NAALADL2: variants seen among roughly 807,000 people sequenced by gnomAD.
The protein encoded by NAALADL2 is inactive N-acetylated-alpha-linked acidic dipeptidase-like protein 2.
Under a neutral mutation model 87.2 loss-of-function variants are expected in NAALADL2, and 76 were observed. That is an observed-to-expected ratio of 0.87 (90% CI 0.72 to 1.05). The LOEUF (loss-of-function observed/expected upper bound fraction) is 1.05. Ranked by LOEUF, NAALADL2 falls within the 50% of genes least tolerant of loss-of-function variation. NAALADL2 has a pLI of 0.00. For missense variants in NAALADL2, 1,089 were observed against 945.8 expected (o/e 1.15, Z -1.99); for synonymous variants, 354 against 331.0 (o/e 1.07, Z -0.75).
intron 2 of NAALADL2, among the ~76,000 whole-genome samples, chr3:174,585,832 A>G (rs904199665): frequency 2.0e-5 from 3 of 152,300 alleles, no homozygotes; most frequent in South Asian, 2.1e-4. Context: ...GGTTAAGAGC[A>G]CAGACTCTGG....
At chr3:174,561,098 C>G (rs955348060) in intron 2 of NAALADL2, among the ~76,000 whole-genome samples, 12 of 151,498 alleles carry the variant, frequency 7.9e-5, no homozygotes, top group Admixed American at 6.6e-5. Flanking sequence ...AATGGGTAAG[C>G]GGTAAATTTA....
At chr3:175,366,883 T>G (rs1765664052) in intron 5 of NAALADL2, among the ~76,000 whole-genome samples, 2 of 151,868 alleles carry the variant, frequency 1.3e-5, no homozygotes, top group African/African-American at 4.9e-5. Flanking sequence ...ATTTGTCAAT[T>G]TTGTCTTTTG....
intron 3 of NAALADL2, among the ~76,000 whole-genome samples, chr3:174,774,131 T>C (rs796766165): frequency 7.0e-4 from 106 of 152,280 alleles, no homozygotes; most frequent in African/African-American, 2.5e-3. Context: ...CCACAGCTCC[T>C]AGTTGTTGGA....
intron 2 of NAALADL2, among the ~76,000 whole-genome samples, chr3:174,573,523 T>C (rs1231445027): frequency 6.6e-6 from 1 of 152,178 alleles, no homozygotes; most frequent in African/African-American, 2.4e-5. Context: ...GGGTAATTTA[T>C]AATGGAAAAA....
chr3:174,857,754 A>G (rs1278838204), upstream of NAALADL2, among the ~76,000 whole-genome samples: 1 of 152,098 alleles, frequency 6.6e-6, no homozygotes. Flanking sequence ...CAGATTTTAA[A>G]TCAGAGGCTC....
At chr3:174,992,626 C>T (rs1465456782) in intron 1 of NAALADL2, among the ~76,000 whole-genome samples, 4 of 151,844 alleles carry the variant, frequency 2.6e-5, no homozygotes, top group Non-Finnish European at 4.4e-5. Context: ...CTTTATAATA[C>T]CTTCATCAGT....
Position 174,909,939 on chromosome 3 carries a change from T to C in NAALADL2, c.43+50489T>C, listed in dbSNP as rs558870399. ...ACTACACAAGTTAAGTATTAGAAGA[T>C]ATTTTTTAAAATATACATTTTCTGC... On this transcript the variant is annotated intron_variant, in intron 1 of 13. Transcript: ENST00000454872. Among the ~76,000 whole-genome samples, 139 of 152,260 alleles carry C rather than the reference T, an allele frequency of 9.1e-4. 1 individual carries two copies. The highest frequency in any genetic ancestry group is 2.0e-3 in the Admixed American group (30 of 15,292).
chr3:174,761,905 G>C (rs574024415), intron 3 of NAALADL2, among the ~76,000 whole-genome samples: 14 of 151,856 alleles, frequency 9.2e-5, no homozygotes, highest in African/African-American at 3.1e-4. Flanking sequence ...TACTTTTAAT[G>C]GCAAAGCCTG....
At chr3:175,352,120 A>G (rs1349760936) in intron 5 of NAALADL2, among the ~76,000 whole-genome samples, 1 of 151,976 alleles carries the variant, frequency 6.6e-6, no homozygotes, top group Non-Finnish European at 1.5e-5. Context: ...GTGGCTCTCA[A>G]ACATGCTCTA....
intron 1 of NAALADL2, among the ~76,000 whole-genome samples, chr3:175,015,088 G>T (rs1750640662): frequency 6.6e-6 from 1 of 152,046 alleles, no homozygotes; most frequent in African/African-American, 2.4e-5. Flanking sequence ...TCATTTCATG[G>T]AAGCGTAGAC....
At chr3:175,705,015 C>T (rs943921517) in intron 11 of NAALADL2, among the ~76,000 whole-genome samples, 5 of 152,142 alleles carry the variant, frequency 3.3e-5, no homozygotes, top group South Asian at 4.1e-4. Flanking sequence ...AAAAATGAAT[C>T]GGAGCCTTGT....
intron 9 of NAALADL2, among the ~76,000 whole-genome samples, chr3:175,522,215 A>C (rs1466558343): frequency 6.6e-6 from 1 of 152,216 alleles, no homozygotes; most frequent in Admixed American, 6.5e-5. Flanking sequence ...TATTTATTTT[A>C]CATATATATT....
At chr3:175,153,711 T>C in intron 2 of NAALADL2, among the ~76,000 whole-genome samples, 1 of 152,208 alleles carries the variant, frequency 6.6e-6, no homozygotes, top group Admixed American at 6.5e-5. Flanking sequence ...AGAGCTATGT[T>C]AGTCTGGCCC....
At chr3:174,728,268 G>A (rs900187259) in intron 2 of NAALADL2, among the ~76,000 whole-genome samples, 1 of 151,810 alleles carries the variant, frequency 6.6e-6, no homozygotes, top group Non-Finnish European at 1.5e-5. Flanking sequence ...CAATTGTTGG[G>A]GTATGAATTG....
chr3:175,452,762 G>A (rs539688808), intron 6 of NAALADL2, among the ~76,000 whole-genome samples: 1 of 152,104 alleles, frequency 6.6e-6, no homozygotes, highest in Admixed American at 6.6e-5. Flanking sequence ...GCTGCCAGTC[G>A]GAAGTCCTTG....
At chr3:175,279,818 GTGTA>G (rs898069849) in intron 4 of NAALADL2, among the ~76,000 whole-genome samples, 1 of 145,716 alleles carries the variant, frequency 6.9e-6, no homozygotes, top group African/African-American at 2.7e-5. Context: ...GTGTGTGTGT[GTGTA>G]TTATTAATAA....
At chr3:175,036,266 T>C (rs1753390448) in intron 1 of NAALADL2, among the ~76,000 whole-genome samples, 1 of 152,206 alleles carries the variant, frequency 6.6e-6, no homozygotes, top group Admixed American at 6.5e-5. Flanking sequence ...TTTCTAATTA[T>C]AAAGGTCATT....
chr3:174,751,121 T>C (rs972381103), intron 3 of NAALADL2, among the ~76,000 whole-genome samples: 11 of 152,134 alleles, frequency 7.2e-5, no homozygotes, highest in Admixed American at 2.0e-4. Flanking sequence ...GTGATGATAG[T>C]GTGCTTTTGC....
intron 2 of NAALADL2, among the ~76,000 whole-genome samples, chr3:174,703,195 A>C (rs1050778671): frequency 2.3e-4 from 35 of 152,010 alleles, no homozygotes; most frequent in Non-Finnish European, 3.2e-4. Flanking sequence ...GGTGGAGTGC[A>C]GTGGTGTGAT....
Sources: gnomAD v4.1 joint callset for allele counts (sites outside exome capture counted in the v4.1 genomes callset) on GRCh38, gnomAD v4.1.1 for gene constraint, MANE v1.5 for transcripts, NCBI Gene and HGNC (gene_info 2026-07-23, HGNC 2026-07-21) for gene names.